The following LARGE1 variants were observed in gnomAD, a reference collection of about 807,000 sequenced individuals.
LARGE1 encodes the protein xylosyl- and glucuronyltransferase LARGE1.
LARGE1 carries 43 observed loss-of-function variants against 87.6 expected under a neutral mutation model. That is an observed-to-expected ratio of 0.49 (90% CI 0.38 to 0.63). LARGE1 has a LOEUF of 0.63. Ranked by LOEUF, LARGE1 falls within the 30% of genes least tolerant of loss-of-function variation. The pLI, the probability that LARGE1 is intolerant of heterozygous loss-of-function variation, is 0.00. For missense variants in LARGE1, 802 were observed against 1,000.2 expected (o/e 0.80, Z 2.67); for synonymous variants, 434 against 394.6 (o/e 1.10, Z -1.18).
At chr22:33,757,368 C>T (rs774601710) in intron 2 of LARGE1, among the ~76,000 whole-genome samples, 4 of 152,276 alleles carry the variant, frequency 2.6e-5, no homozygotes, top group Admixed American at 6.5e-5. Flanking sequence ...TTACATCAGA[C>T]GTTAGAATCA....
chr22:33,760,788 C>T (rs996222292), intron 2 of LARGE1, among the ~76,000 whole-genome samples: 5 of 152,198 alleles, frequency 3.3e-5, no homozygotes, highest in Non-Finnish European at 2.9e-5. Context: ...AGTGTGGTGG[C>T]GGGCACCTGT....
intron 11 of LARGE1, among the ~76,000 whole-genome samples, chr22:33,226,887 G>A (rs979467260): frequency 5.3e-5 from 8 of 152,046 alleles, no homozygotes; most frequent in East Asian, 3.9e-4. Context: ...CTGCCGCCGC[G>A]CCTGGCTAAT....
chr22:33,711,851 G>C (rs888224764), intron 2 of LARGE1, among the ~76,000 whole-genome samples: 1 of 152,014 alleles, frequency 6.6e-6, no homozygotes, highest in Non-Finnish European at 1.5e-5. Flanking sequence ...TGCAGAGACA[G>C]GGTCTTGCTA....
At chr22:33,257,423 TAAAACAAAAACAAAAACAAAAACA>T (rs145629358) in intron 11 of LARGE1, among the ~76,000 whole-genome samples, 12 of 139,756 alleles carry the variant, frequency 8.6e-5, no homozygotes, top group Admixed American at 6.4e-4. Flanking sequence ...ACTTGGAAGG[TAAAACAAAAACAAAAACAAAAACA>T]AAAACAAAAA....
At chr22:33,872,857 G>A (rs1355466361) in intron 1 of LARGE1, among the ~76,000 whole-genome samples, 1 of 152,038 alleles carries the variant, frequency 6.6e-6, no homozygotes, top group Non-Finnish European at 1.5e-5. Context: ...AAAATAAGCT[G>A]GGTGTGGTGG....
At chr22:33,127,299 C>G in the LARGE1 span, among the ~76,000 whole-genome samples, 3 of 151,464 alleles carry the variant, frequency 2.0e-5, no homozygotes, top group Non-Finnish European at 2.9e-5. Flanking sequence ...TTAAGAAAAA[C>G]GTTCCCTTCT....
rs2079153155 is a variant in LARGE1, at chr22:33,603,046, T to C, written c.615+1389A>G. ...GCAGCAATTTGCTAAATTTTGTTTT[T>C]CCCTTTTTAAGAGTGTTAATCAATT... On this transcript the variant is annotated intron_variant, in intron 5 of 14. Coordinates refer to ENST00000397394, the MANE Select transcript of LARGE1 (RefSeq NM_133642.5). Among the ~76,000 whole-genome samples, 3 of 142,994 alleles carry C rather than the reference T, an allele frequency of 2.1e-5. No homozygotes were observed. The Admixed American group carries it at 2.2e-4, about 10-fold the overall frequency. 93.8% of individuals were successfully genotyped at this position (142,994 alleles called of 152,430 possible).
intron 4 of LARGE1, among the ~76,000 whole-genome samples, chr22:33,623,286 T>C (rs1363366826): frequency 6.6e-6 from 1 of 152,152 alleles, no homozygotes; most frequent in Non-Finnish European, 1.5e-5. Context: ...GCCGTAGTAC[T>C]GAAAGGAGCC....
intron 5 of LARGE1, among the ~76,000 whole-genome samples, chr22:33,588,428 C>T (rs1443693281): frequency 2.2e-4 from 33 of 152,190 alleles, no homozygotes; most frequent in Admixed American, 2.2e-3. Flanking sequence ...ATTCCTATTT[C>T]AGGTAACATA....
intron 6 of LARGE1, among the ~76,000 whole-genome samples, chr22:33,536,861 G>A (rs1419159512): frequency 6.6e-6 from 1 of 152,176 alleles, no homozygotes; most frequent in African/African-American, 2.4e-5. Flanking sequence ...GCCCAGGCCG[G>A]AGTGCGATGG....
intron 7 of LARGE1, among the ~76,000 whole-genome samples, chr22:33,390,454 C>G (rs1054155782): frequency 1.3e-5 from 2 of 152,284 alleles, no homozygotes; most frequent in Middle Eastern, 3.4e-3. Flanking sequence ...AACATTAGAA[C>G]TAATAAAGAC....
chr22:33,101,917 A>C, the LARGE1 span, among the ~76,000 whole-genome samples: 43 of 152,220 alleles, frequency 2.8e-4, no homozygotes, highest in Admixed American at 7.2e-4. Context: ...TGCAATTTAC[A>C]ACTGAAAGCA....
chr22:33,198,689 C>G (rs1260150481), intron 11 of LARGE1, among the ~76,000 whole-genome samples: 2 of 142,256 alleles, frequency 1.4e-5, no homozygotes, highest in Non-Finnish European at 3.0e-5. Context: ...ATCTAAAATA[C>G]TATACTACAT....
chr22:33,888,594 C>T (rs1017085136), intron 1 of LARGE1, among the ~76,000 whole-genome samples: 5 of 152,114 alleles, frequency 3.3e-5, no homozygotes, highest in African/African-American at 7.2e-5. Flanking sequence ...AGTGGCTCAC[C>T]GCTGTAATCC....
At chr22:33,247,143 T>C (rs1926803587) in intron 11 of LARGE1, among the ~76,000 whole-genome samples, 2 of 151,270 alleles carry the variant, frequency 1.3e-5, no homozygotes, top group Non-Finnish European at 2.9e-5. Context: ...AACTCTACTT[T>C]TAAAGTTGCA....
intron 3 of LARGE1, among the ~76,000 whole-genome samples, chr22:33,643,832 G>A (rs2080520462): frequency 6.6e-6 from 1 of 152,098 alleles, no homozygotes; most frequent in African/African-American, 2.4e-5. Context: ...TAAATTCCTG[G>A]ACATATACAT....
In LARGE1 at chr22:33,642,207, A is replaced by C. The variant is rs185779856; in HGVS notation, c.408+8160T>G. Among the ~76,000 whole-genome samples the C allele has an allele frequency of 3.0e-3, 452 of 152,362 alleles. 2 individuals carry two copies. The highest frequency in any genetic ancestry group is 0.01 in the African/African-American group (433 of 41,580). ...AATATGCTGAAACCCTACAAGCCAGAATAGAATAGGGATCAATATTCAACA... is the reference window on the plus strand; with the variant it reads ...AATATGCTGAAACCCTACAAGCCAGCATAGAATAGGGATCAATATTCAACA... On this transcript the variant is annotated intron_variant, in intron 3 of 14. Transcript: ENST00000397394.
chr22:33,351,274 G>C (rs1186539540), intron 9 of LARGE1, among the ~76,000 whole-genome samples: 1 of 152,236 alleles, frequency 6.6e-6, no homozygotes, highest in Non-Finnish European at 1.5e-5. Flanking sequence ...GAGAGGGAGA[G>C]AGGGGAGAGG....
intron 5 of LARGE1, among the ~76,000 whole-genome samples, chr22:33,598,318 G>T (rs1306628405): frequency 6.6e-6 from 1 of 152,172 alleles, no homozygotes; most frequent in Non-Finnish European, 1.5e-5. Context: ...GTCCATAGAG[G>T]TGTTGTTGAG....
Sources: allele counts gnomAD v4.1 joint callset (sites outside exome capture counted in the v4.1 genomes callset), GRCh38; gene constraint gnomAD v4.1.1; transcripts MANE v1.5; gene names NCBI Gene and HGNC (gene_info 2026-07-23, HGNC 2026-07-21).